Variants in PRKN observed in about 807,000 individuals in gnomAD.
The protein encoded by PRKN is E3 ubiquitin-protein ligase parkin.
A neutral mutation model predicts 59.5 loss-of-function variants in PRKN; 56 were observed. That is an observed-to-expected ratio of 0.94 (90% CI 0.76 to 1.18). The LOEUF is 1.18. PRKN is among the 50% of genes most tolerant of loss of function. The pLI is 0.00. For missense variants in PRKN, 657 were observed against 596.4 expected (o/e 1.10, Z -1.06); for synonymous variants, 250 against 222.1 (o/e 1.13, Z -1.12).
chr6:162,093,493 C>T (rs1779596533), intron 4 of PRKN, among the ~76,000 whole-genome samples: 2 of 152,126 alleles, frequency 1.3e-5, no homozygotes, highest in African/African-American at 4.8e-5. Flanking sequence ...GTAAAATTCT[C>T]CCGCACTAAC....
At chr6:162,011,376 TTATATATTTATAA>T (rs1253936468) in intron 5 of PRKN, among the ~76,000 whole-genome samples, 1 of 31,940 alleles carries the variant, frequency 3.1e-5, no homozygotes, top group Admixed American at 7.3e-4. Context: ...ATATAATATA[TTATATATTTATAA>T]TATATATTAT....
At chr6:162,268,498 G>GA (rs1583292067) in intron 2 of PRKN, among the ~76,000 whole-genome samples, 1 of 152,164 alleles carries the variant, frequency 6.6e-6, no homozygotes, top group East Asian at 1.9e-4. Flanking sequence ...TTTTGTTATA[G>GA]CAAGACAAAG....
At chr6:161,617,262 T>C (rs1189008211) in intron 7 of PRKN, among the ~76,000 whole-genome samples, 3 of 152,346 alleles carry the variant, frequency 2.0e-5, no homozygotes, top group Admixed American at 6.5e-5. Flanking sequence ...GGTTGATTTT[T>C]TCTTGTAAAT....
intron 7 of PRKN, among the ~76,000 whole-genome samples, chr6:161,730,281 T>C (rs1226992428): frequency 1.3e-5 from 2 of 151,070 alleles, no homozygotes; most frequent in Non-Finnish European, 2.9e-5. Flanking sequence ...TTGCATTCTT[T>C]CAGATATGTT....
intron 1 of PRKN, among the ~76,000 whole-genome samples, chr6:162,475,667 C>T (rs145527589): frequency 0.011 from 1,683 of 152,226 alleles, 22 homozygotes; most frequent in Middle Eastern, 0.037. Context: ...GTGTGCAATG[C>T]GGCTAGCTGC....
intron 1 of PRKN, among the ~76,000 whole-genome samples, chr6:162,659,265 C>A (rs764113278): frequency 2.0e-5 from 3 of 152,030 alleles, no homozygotes; most frequent in Non-Finnish European, 4.4e-5. Flanking sequence ...TGGCCAACTT[C>A]CAGCTTTGGA....
chr6:162,678,215 G>A (rs940168243), intron 1 of PRKN, among the ~76,000 whole-genome samples: 2 of 152,152 alleles, frequency 1.3e-5, no homozygotes, highest in South Asian at 2.1e-4. Flanking sequence ...GATGGTTATT[G>A]GAGTTATTTT....
At chr6:161,907,737 G>A (rs1158624082) in intron 6 of PRKN, among the ~76,000 whole-genome samples, 3 of 152,140 alleles carry the variant, frequency 2.0e-5, no homozygotes, top group African/African-American at 4.8e-5. Flanking sequence ...ACCAAACAGC[G>A]CTCTCAGCAA....
rs575073197 is a variant in PRKN at position 162,025,675 on chromosome 6, G to A, written c.618+28416C>T. On this transcript the variant is annotated intron_variant, in intron 5 of 11. Coordinates refer to ENST00000366898, the MANE Select transcript of PRKN (RefSeq NM_004562.3). ...ACGATCTCAGCTCACTGCAACCTCC[G>A]CCTCCCAGGTTCAAGCGATTCTTCT... 4.0e-5 allele frequency among the ~76,000 whole-genome samples: 5 copies of A among 126,100 alleles called. No individual in the cohort carries two copies. In the South Asian group the frequency reaches 8.1e-4, roughly 21 times the overall value. 82.7% of individuals were successfully genotyped at this position (126,100 alleles called of 152,430 possible). A position where few individuals can be genotyped will look rare whatever the true frequency, so the allele number is the denominator to read the frequency against.
chr6:161,665,320 C>A (rs922888570), intron 7 of PRKN, among the ~76,000 whole-genome samples: 1 of 152,122 alleles, frequency 6.6e-6, no homozygotes, highest in Non-Finnish European at 1.5e-5. Context: ...CTGAGGCTGA[C>A]ATAGAAGAGA....
chr6:161,476,030 CA>C (rs1170044118), intron 9 of PRKN, among the ~76,000 whole-genome samples: 32 of 151,582 alleles, frequency 2.1e-4, no homozygotes, highest in East Asian at 1.8e-3. Flanking sequence ...ACTAAAAATA[CA>C]AAAAAATTAG....
chr6:161,627,266 T>C (rs1271276051), intron 7 of PRKN, among the ~76,000 whole-genome samples: 1 of 152,238 alleles, frequency 6.6e-6, no homozygotes, highest in Non-Finnish European at 1.5e-5. Flanking sequence ...AATAAAGTTA[T>C]ACTTTTTTGA....
intron 6 of PRKN, among the ~76,000 whole-genome samples, chr6:161,900,215 G>A (rs1316827990): frequency 6.6e-6 from 1 of 151,412 alleles, no homozygotes; most frequent in Non-Finnish European, 1.5e-5. Flanking sequence ...TTATCGAGAA[G>A]GTCTTTCTGG....
intron 6 of PRKN, among the ~76,000 whole-genome samples, chr6:161,840,200 A>G (rs1583231379): frequency 1.3e-5 from 2 of 152,304 alleles, no homozygotes. Flanking sequence ...AGGGGACCAA[A>G]TGGCAAGTGC....
At chr6:161,664,732 A>G (rs1416833802) in intron 7 of PRKN, among the ~76,000 whole-genome samples, 1 of 152,194 alleles carries the variant, frequency 6.6e-6, no homozygotes, top group Non-Finnish European at 1.5e-5. Context: ...AAACTGACCA[A>G]TAAAAGAACT....
chr6:162,655,906 A>C (rs1181674694), intron 1 of PRKN, among the ~76,000 whole-genome samples: 1 of 152,352 alleles, frequency 6.6e-6, no homozygotes, highest in East Asian at 1.9e-4. Flanking sequence ...ATAGTAATTT[A>C]GAATATTAAG....
intron 1 of PRKN, among the ~76,000 whole-genome samples, chr6:162,452,995 AAG>A: frequency 6.6e-6 from 1 of 152,328 alleles, no homozygotes; most frequent in African/African-American, 2.4e-5. Context: ...AAAAAACAAA[AAG>A]AGAGAAACTT....
chr6:161,721,467 G>A (rs1787217617), intron 7 of PRKN, among the ~76,000 whole-genome samples: 1 of 151,902 alleles, frequency 6.6e-6, no homozygotes, highest in African/African-American at 2.4e-5. Context: ...AAACGGAGAT[G>A]CCAGATCTAC....
intron 2 of PRKN, among the ~76,000 whole-genome samples, chr6:162,313,042 TTA>T (rs1782592987): frequency 6.6e-6 from 1 of 152,154 alleles, no homozygotes; most frequent in African/African-American, 2.4e-5. Flanking sequence ...AAAGAAAGAA[TTA>T]TTCATGCAAT....
Sources: allele counts gnomAD v4.1 joint callset (sites outside exome capture counted in the v4.1 genomes callset), GRCh38; gene constraint gnomAD v4.1.1; transcripts MANE v1.5; gene names NCBI Gene and HGNC (gene_info 2026-07-23, HGNC 2026-07-21).